FAF1: variants seen among roughly 807,000 people sequenced by gnomAD.
FAF1 encodes Fas associated factor 1, also known as FAS-associated factor 1.
FAF1 carries 25 observed loss-of-function variants against 92.5 expected under a neutral mutation model. The observed-to-expected ratio is 0.27, with a 90% CI of 0.20 to 0.38. FAF1 has a LOEUF of 0.38. FAF1 is among the 10% of genes least tolerant of loss of function. The pLI is 1.00. For missense variants in FAF1, 636 were observed against 793.3 expected (o/e 0.80, Z 2.38); for synonymous variants, 234 against 273.2 (o/e 0.86, Z 1.42).
chr1:50,771,296 A>G (rs1019871598), intron 4 of FAF1, among the ~76,000 whole-genome samples: 34 of 152,332 alleles, frequency 2.2e-4, no homozygotes, highest in African/African-American at 6.3e-4. Flanking sequence ...AAAAGAAACT[A>G]TCAACAGAGT....
intron 15 of FAF1, among the ~76,000 whole-genome samples, chr1:50,530,443 A>G (rs535608878): frequency 6.6e-6 from 1 of 151,782 alleles, no homozygotes; most frequent in East Asian, 1.9e-4. Context: ...TTTAAAGAAA[A>G]CAGCAATAAC....
At chr1:50,905,725 G>A (rs146869073) in intron 1 of FAF1, among the ~76,000 whole-genome samples, 1 of 152,018 alleles carries the variant, frequency 6.6e-6, no homozygotes, top group African/African-American at 2.4e-5. Context: ...TTTTTGATGG[G>A]GTTGATTTTT....
chr1:50,584,918 C>A, intron 9 of FAF1, 107 bp from the exon 10 acceptor site: 1 of 1,000,754 alleles, frequency 1.0e-6, no homozygotes. Context: ...AAATTTTTAT[C>A]AAATAAACTC....
At chr1:50,829,715 A>G (rs755544253) in intron 2 of FAF1, among the ~76,000 whole-genome samples, 11 of 152,224 alleles carry the variant, frequency 7.2e-5, no homozygotes, top group Non-Finnish European at 1.3e-4. Flanking sequence ...CTTTTTTCCT[A>G]TTCCACTTGT....
At chr1:50,811,024 C>T (rs1024144368) in intron 2 of FAF1, among the ~76,000 whole-genome samples, 10 of 151,904 alleles carry the variant, frequency 6.6e-5, no homozygotes, top group Non-Finnish European at 1.5e-4. Flanking sequence ...GCCTGGGTGA[C>T]AGAGTGAGAC....
intron 8 of FAF1, among the ~76,000 whole-genome samples, chr1:50,618,414 GTTTTTT>G (rs540421778): frequency 5.4e-5 from 6 of 111,900 alleles, no homozygotes; most frequent in African/African-American, 1.0e-4. Context: ...AGTTTTTAGA[GTTTTTT>G]TTTTTTTTTT....
At chr1:50,804,828 A>C (rs1569975724) in intron 2 of FAF1, among the ~76,000 whole-genome samples, 1 of 152,314 alleles carries the variant, frequency 6.6e-6, no homozygotes, top group East Asian at 1.9e-4. Flanking sequence ...AGTTTGGTTA[A>C]ATACAACACT....
intron 18 of FAF1, among the ~76,000 whole-genome samples, chr1:50,442,600 GCTGCTGCT>G (rs1157426648): frequency 6.6e-6 from 1 of 152,168 alleles, no homozygotes; most frequent in Non-Finnish European, 1.5e-5. Flanking sequence ...CAGGCCTGAG[GCTGCTGCT>G]CTGCTGCTCT....
chr1:50,843,959 G>C (rs1477764497), intron 2 of FAF1, among the ~76,000 whole-genome samples: 1 of 152,110 alleles, frequency 6.6e-6, no homozygotes, highest in Non-Finnish European at 1.5e-5. Flanking sequence ...CCTCCATACT[G>C]TTTTCCATAA....
intron 14 of FAF1, among the ~76,000 whole-genome samples, chr1:50,537,668 T>G (rs1648555236): frequency 6.6e-6 from 1 of 152,178 alleles, no homozygotes; most frequent in African/African-American, 2.4e-5. Flanking sequence ...AAAGAAAAAG[T>G]TTAGTGAGAA....
chr1:50,855,132 G>C (rs1281650421), intron 2 of FAF1, among the ~76,000 whole-genome samples: 1 of 151,716 alleles, frequency 6.6e-6, no homozygotes, highest in Admixed American at 6.6e-5. Context: ...ACATTCTTTT[G>C]GTCCCAAGCA....
chr1:50,522,888 C>T (rs1647578709), intron 15 of FAF1, among the ~76,000 whole-genome samples: 1 of 152,172 alleles, frequency 6.6e-6, no homozygotes, highest in Non-Finnish European at 1.5e-5. Flanking sequence ...AAAAGAAACT[C>T]TGTACCCTTT....
chr1:50,923,420 C>A (rs757843787), intron 1 of FAF1, among the ~76,000 whole-genome samples: 9 of 151,478 alleles, frequency 5.9e-5, no homozygotes, highest in Non-Finnish European at 1.3e-4. Context: ...TGTCTTTAAA[C>A]AAAAAAACAA....
chr1:50,870,426 C>G (rs1294403142), intron 1 of FAF1, among the ~76,000 whole-genome samples: 2 of 152,224 alleles, frequency 1.3e-5, no homozygotes, highest in African/African-American at 4.8e-5. Flanking sequence ...CACTGCACTC[C>G]CGCCTGGGTG....
intron 1 of FAF1, among the ~76,000 whole-genome samples, chr1:50,897,809 G>A (rs1197032139): frequency 6.6e-6 from 1 of 152,166 alleles, no homozygotes; most frequent in Non-Finnish European, 1.5e-5. Context: ...ATGGTCAGAA[G>A]TCACATTGTG....
chr1:50,806,590 G>A (rs1025783404), intron 2 of FAF1, among the ~76,000 whole-genome samples: 5 of 152,112 alleles, frequency 3.3e-5, no homozygotes, highest in Admixed American at 1.3e-4. Flanking sequence ...CCACTAACCC[G>A]CTGAGACAAA....
At chr1:50,634,524 T>C (rs1301549780) in intron 8 of FAF1, among the ~76,000 whole-genome samples, 1 of 152,240 alleles carries the variant, frequency 6.6e-6, no homozygotes, top group Non-Finnish European at 1.5e-5. Flanking sequence ...CACATATGTA[T>C]TATAAACAAC....
chr1:50,641,252 C>G (rs938789742), intron 8 of FAF1, among the ~76,000 whole-genome samples: 24 of 151,924 alleles, frequency 1.6e-4, no homozygotes, highest in Admixed American at 5.9e-4. Context: ...TTAATTTGCT[C>G]TTCTTTTTCT....
intron 1 of FAF1, among the ~76,000 whole-genome samples, chr1:50,937,945 A>T (rs1399668935): frequency 6.6e-6 from 1 of 152,332 alleles, no homozygotes; most frequent in East Asian, 1.9e-4. Flanking sequence ...GCATCACAAG[A>T]CATGTGAGGT....
Sources: allele counts gnomAD v4.1 joint callset (sites outside exome capture counted in the v4.1 genomes callset), GRCh38; gene constraint gnomAD v4.1.1; transcripts MANE v1.5; gene names NCBI Gene and HGNC (gene_info 2026-07-23, HGNC 2026-07-21).